Variants in CMIP observed in about 807,000 individuals in gnomAD.
CMIP encodes the protein C-Maf-inducing protein.
A neutral mutation model predicts 97.3 loss-of-function variants in CMIP; 13 were observed. The observed-to-expected ratio is 0.13, with a 90% CI of 0.09 to 0.21. The LOEUF is 0.21. CMIP is among the 10% of genes least tolerant of loss of function. The probability of loss-of-function intolerance (pLI) is 1.00; values close to 1 mark genes in which losing one functional copy is unlikely to be tolerated. For synonymous variants in CMIP, 538 were observed against 436.3 expected (o/e 1.23, Z -2.91); for missense variants, 847 against 1,024.9 (o/e 0.83, Z 2.37).
intron 9 of CMIP, among the ~76,000 whole-genome samples, chr16:81,674,352 T>C (rs1437137777): frequency 6.6e-6 from 1 of 152,152 alleles, no homozygotes; most frequent in Admixed American, 6.5e-5. Flanking sequence ...AGGATGGTCT[T>C]GATCTCCTGA....
chr16:81,655,245 G>A lies in CMIP; in HGVS notation c.640-2530G>A, dbSNP rs916434204. 6.6e-6 allele frequency among the ~76,000 whole-genome samples: 1 copy of A among 152,152 alleles called. No individual in the cohort carries two copies. The highest frequency in any genetic ancestry group is 2.1e-4 in the South Asian group (1 of 4,822). ...TGGGGCTGGGTTGTTTCTCTGTTCT[G>A]TTTGCCCAAGTTGTTTGCAAGGCCT... On this transcript the variant is annotated intron_variant, in intron 4 of 20. Transcript: ENST00000537098. The surrounding 1 kb of genome is among the most constrained non-coding windows in gnomAD (Gnocchi z 4.9).
At chr16:81,663,180 C>G (rs971826691) in intron 6 of CMIP, among the ~76,000 whole-genome samples, 1 of 151,910 alleles carries the variant, frequency 6.6e-6, no homozygotes, top group African/African-American at 2.4e-5. Context: ...ACACAAACAT[C>G]TACATGCCGA....
chr16:81,596,636 T>A (rs932064741), intron 1 of CMIP, among the ~76,000 whole-genome samples: 1 of 151,972 alleles, frequency 6.6e-6, no homozygotes, highest in Admixed American at 6.6e-5. Flanking sequence ...AATCCAGACC[T>A]AGAATGCTGC....
chr16:81,691,789 A>G lies in CMIP; in HGVS notation c.1403A>G (p.Asp468Gly). Residue 468 changes from aspartate to glycine, a missense_variant, in exon 11 of 21, where the codon GAC becomes GGC. Physicochemically the swap from Asp to Gly is moderately conservative, Grantham distance 94 (BLOSUM62 -1). Coordinates refer to ENST00000537098, the MANE Select transcript of CMIP (RefSeq NM_198390.3). Reference protein sequence around the residue: ...EILKLLSDYDDWRPSLASLLQ... With the variant: ...EILKLLSDYDGWRPSLASLLQ... ...TCTCATTCTAGGTCAGACTATGATG[A>G]CTGGAGACCGTCTCTGGCCAGTTTG... 1 of 1,613,848 alleles carries G rather than the reference A, an allele frequency of 6.2e-7. No homozygotes were observed. The highest frequency in any genetic ancestry group is 8.5e-7 in the Non-Finnish European group (1 of 1,179,798).
chr16:81,657,303 G>A (rs2092494385), intron 4 of CMIP, among the ~76,000 whole-genome samples: 1 of 152,202 alleles, frequency 6.6e-6, no homozygotes, highest in Non-Finnish European at 1.5e-5. Context: ...AGTTTGAGAA[G>A]CACTGAAATC....
At chr16:81,511,157 T>C (rs144669828) in intron 1 of CMIP, among the ~76,000 whole-genome samples, 1 of 152,174 alleles carries the variant, frequency 6.6e-6, no homozygotes, top group Admixed American at 6.5e-5. Flanking sequence ...CTTCCCTCTC[T>C]CCCAGCCACT....
At chr16:81,576,977 A>G (rs1418582851) in intron 1 of CMIP, among the ~76,000 whole-genome samples, 1 of 152,040 alleles carries the variant, frequency 6.6e-6, no homozygotes, top group Non-Finnish European at 1.5e-5. Context: ...CACCACCACT[A>G]TTAGCATCAC....
At chr16:81,642,854 C>T (rs1049045012) in intron 3 of CMIP, among the ~76,000 whole-genome samples, 4 of 152,122 alleles carry the variant, frequency 2.6e-5, no homozygotes, top group Non-Finnish European at 5.9e-5. Flanking sequence ...TGAGATCGCA[C>T]CACTGCACTC....
At chr16:81,560,995 C>A (rs955462339) in intron 1 of CMIP, among the ~76,000 whole-genome samples, 2 of 152,206 alleles carry the variant, frequency 1.3e-5, no homozygotes, top group African/African-American at 4.8e-5. Flanking sequence ...GTCTCCGTCA[C>A]CCAGGCTGGA....
At chr16:81,542,726 T>C (rs75217481) in intron 1 of CMIP, among the ~76,000 whole-genome samples, 8,036 of 152,130 alleles carry the variant, frequency 0.053, 240 homozygotes, top group Middle Eastern at 0.082. Context: ...AAGAGAGCAC[T>C]CTGGCCTCTC....
intron 3 of CMIP, among the ~76,000 whole-genome samples, chr16:81,626,740 AGTGGGT>A (rs1158040401): frequency 8.6e-6 from 1 of 116,432 alleles, no homozygotes; most frequent in Non-Finnish European, 1.7e-5. Flanking sequence ...ATTTTATGAC[AGTGGGT>A]GTGGGTGTGT....
intron 1 of CMIP, among the ~76,000 whole-genome samples, chr16:81,492,846 G>C (rs1339999635): frequency 6.6e-6 from 1 of 151,976 alleles, no homozygotes; most frequent in Non-Finnish European, 1.5e-5. Flanking sequence ...AGTAAAGGGA[G>C]AGTGGGTTAC....
chr16:81,699,028 G>C (rs1199653401), intron 14 of CMIP, among the ~76,000 whole-genome samples: 1 of 152,174 alleles, frequency 6.6e-6, no homozygotes, highest in Non-Finnish European at 1.5e-5. Flanking sequence ...GAGTTGGGTG[G>C]ACCACTTGAG....
chr16:81,538,009 C>T (rs987499291), intron 1 of CMIP, among the ~76,000 whole-genome samples: 1 of 152,248 alleles, frequency 6.6e-6, no homozygotes, highest in Non-Finnish European at 1.5e-5. Flanking sequence ...TCATCGTTTC[C>T]ACTCACCAGG....
At chr16:81,502,006 C>T (rs964502356) in intron 1 of CMIP, among the ~76,000 whole-genome samples, 2 of 152,210 alleles carry the variant, frequency 1.3e-5, no homozygotes, top group South Asian at 2.1e-4. Context: ...ATTCAGTCAA[C>T]ACATGAGTGG....
chr16:81,577,282 A>G (rs2091208866), intron 1 of CMIP, among the ~76,000 whole-genome samples: 1 of 151,924 alleles, frequency 6.6e-6, no homozygotes, highest in Non-Finnish European at 1.5e-5. Context: ...CATCATCACC[A>G]TCACCTTCAT....
intron 2 of CMIP, 31 bp downstream of exon 2, chr16:81,607,723 C>G (rs750607715): frequency 6.2e-7 from 1 of 1,608,078 alleles, no homozygotes; most frequent in Non-Finnish European, 8.5e-7. Flanking sequence ...CAAGCAGTTT[C>G]TTCTCCCTCA....
rs1006974353 is a variant in CMIP at position 81,593,657 on chromosome 16, C to T, written c.301-13910C>T. On this transcript the variant is annotated intron_variant, in intron 1 of 20. Transcript: ENST00000537098. ...TCGCCTCCGTGTATTGAGTGCCCGCCGACCACCTGGCGCGTCTGGGCATTG... is the reference window on the plus strand; with the variant it reads ...TCGCCTCCGTGTATTGAGTGCCCGCTGACCACCTGGCGCGTCTGGGCATTG... 7.2e-5 allele frequency among the ~76,000 whole-genome samples: 11 copies of T among 152,264 alleles called. No individual in the cohort carries two copies. In the East Asian group the frequency reaches 9.7e-4, roughly 13 times the overall value.
chr16:81,699,856 G>T, intron 15 of CMIP, 55 bp downstream of exon 15: 8 of 1,235,164 alleles, frequency 6.5e-6, no homozygotes, highest in Non-Finnish European at 9.3e-6. Context: ...TCCCTTGTCC[G>T]TGCCGATAGA....
Sources: allele counts gnomAD v4.1 joint callset (sites outside exome capture counted in the v4.1 genomes callset), GRCh38; gene constraint gnomAD v4.1.1; non-coding constraint Gnocchi (gnomAD v3.1); transcripts MANE v1.5; gene names NCBI Gene and HGNC (gene_info 2026-07-23, HGNC 2026-07-21).